Variants in GRK4 observed in about 807,000 individuals in gnomAD.
GRK4 encodes G protein-coupled receptor kinase 2-like.
In GRK4, 73 loss-of-function variants were observed where a neutral mutation model predicts 77.9. The ratio of observed to expected loss-of-function variants is 0.94; its 90% CI spans 0.78 to 1.14. GRK4 has a LOEUF of 1.14. Among genes scored for constraint, GRK4 ranks in the 50% most tolerant of loss-of-function variants. GRK4 has a pLI of 0.00. For missense variants in GRK4, 729 were observed against 700.2 expected (o/e 1.04, Z -0.46); for synonymous variants, 257 against 254.4 (o/e 1.01, Z -0.10).
chr4:3,038,134 C>T (rs905944782), intron 14 of GRK4, among the ~76,000 whole-genome samples: 17 of 152,150 alleles, frequency 1.1e-4, no homozygotes, highest in African/African-American at 4.1e-4. Context: ...AGCCAGGGTT[C>T]CCATGGTAGT....
At chr4:3,016,374 G>A (rs919614180) in intron 8 of GRK4, among the ~76,000 whole-genome samples, 24 of 151,560 alleles carry the variant, frequency 1.6e-4, no homozygotes, top group Admixed American at 1.3e-3. Context: ...AAATTAGCTG[G>A]GTGTGTGGTG....
At chr4:2,978,438 AC>A (rs2109489078) in intron 1 of GRK4, among the ~76,000 whole-genome samples, 1 of 152,354 alleles carries the variant, frequency 6.6e-6, no homozygotes, top group African/African-American at 2.4e-5. Flanking sequence ...TTTGGGATGC[AC>A]AGCCATGGCG....
chr4:3,037,334 T>G (rs199774701), intron 13 of GRK4, 40 bp from the exon 14 acceptor site: 1 of 1,547,028 alleles, frequency 6.5e-7, no homozygotes, highest in African/African-American at 1.4e-5. Context: ...TGAGAATTGC[T>G]GTAGTCATCT....
chr4:2,983,554 C>T (rs188503273), intron 1 of GRK4, among the ~76,000 whole-genome samples: 1 of 152,368 alleles, frequency 6.6e-6, no homozygotes, highest in African/African-American at 2.4e-5. Flanking sequence ...CACTCACATC[C>T]TTCAGGCCTC....
chr4:3,022,061 G>GA (rs1385339252), intron 9 of GRK4, among the ~76,000 whole-genome samples: 1 of 152,186 alleles, frequency 6.6e-6, no homozygotes, highest in Non-Finnish European at 1.5e-5. Context: ...CTAATATGGG[G>GA]AATTTTCAGT....
At chr4:2,979,319 A>AC (rs1337325462) in intron 1 of GRK4, among the ~76,000 whole-genome samples, 3 of 145,408 alleles carry the variant, frequency 2.1e-5, no homozygotes, top group Non-Finnish European at 4.5e-5. Context: ...TGGGAGAATC[A>AC]CCTGAACCCA....
chr4:3,002,924 T>TA (rs1045390488), intron 4 of GRK4, among the ~76,000 whole-genome samples: 29 of 152,034 alleles, frequency 1.9e-4, no homozygotes, highest in African/African-American at 4.8e-4. Flanking sequence ...TTAATTGTGA[T>TA]AAAAAAACAC....
intron 11 of GRK4, among the ~76,000 whole-genome samples, chr4:3,028,828 G>C (rs139330201): frequency 6.6e-6 from 1 of 151,022 alleles, no homozygotes; most frequent in South Asian, 2.1e-4. Flanking sequence ...CTAGAATGCA[G>C]TGGCACAATC....
chr4:3,009,534 C>G, intron 6 of GRK4, 114 bp from the exon 7 acceptor site: 2 of 705,590 alleles, frequency 2.8e-6, no homozygotes, highest in Non-Finnish European at 2.5e-6. Context: ...CCCGGGCATC[C>G]CCTTTGAGCA....
intron 1 of GRK4, among the ~76,000 whole-genome samples, chr4:2,984,209 T>C (rs777370018): frequency 2.6e-5 from 4 of 152,198 alleles, no homozygotes; most frequent in Non-Finnish European, 4.4e-5. Context: ...AAATATTTCT[T>C]TGATAAATAC....
chr4:3,015,548 G>C (rs1005153224), intron 8 of GRK4, among the ~76,000 whole-genome samples: 2 of 151,952 alleles, frequency 1.3e-5, no homozygotes, highest in African/African-American at 4.8e-5. Context: ...GGTGGCAGGC[G>C]CCTGTAGTCC....
chr4:3,038,552 GAAA>G, intron 15 of GRK4, 39 bp downstream of exon 15: 6 of 1,344,716 alleles, frequency 4.5e-6, no homozygotes, highest in South Asian at 1.4e-5. Context: ...GTGTGTATGT[GAAA>G]AAAAAAAAAA....
intron 14 of GRK4, among the ~76,000 whole-genome samples, 188 bp downstream of exon 14, chr4:3,037,699 G>C (rs1468271890): frequency 3.3e-5 from 5 of 152,086 alleles, no homozygotes; most frequent in African/African-American, 1.2e-4. Flanking sequence ...GGCAGATCAT[G>C]AGGTCAGGAG....
At chr4:3,001,666 C>T (rs999704351) in intron 4 of GRK4, among the ~76,000 whole-genome samples, 1 of 152,074 alleles carries the variant, frequency 6.6e-6, no homozygotes, top group Non-Finnish European at 1.5e-5. Context: ...CACGCCCGCC[C>T]GAGACCATAG....
At chr4:3,014,296 C>CTCT (rs757312217) in intron 8 of GRK4, among the ~76,000 whole-genome samples, 2 of 118,974 alleles carry the variant, frequency 1.7e-5, no homozygotes, top group East Asian at 2.4e-4. Context: ...CTCTCTCTCT[C>CTCT]TTTTTTTTTT....
intron 7 of GRK4, among the ~76,000 whole-genome samples, chr4:3,011,740 C>T (rs1732978642): frequency 6.6e-6 from 1 of 152,256 alleles, no homozygotes; most frequent in African/African-American, 2.4e-5. Flanking sequence ...AGTGCTAGCA[C>T]TTCCTCCAGT....
chr4:3,015,758 G>A (rs1431938575), intron 8 of GRK4, among the ~76,000 whole-genome samples: 4 of 151,704 alleles, frequency 2.6e-5, no homozygotes, highest in Non-Finnish European at 5.9e-5. Flanking sequence ...TAATAAAATG[G>A]GCTTATCTGG....
intron 6 of GRK4, among the ~76,000 whole-genome samples, chr4:3,008,907 C>T (rs191531037): frequency 2.2e-4 from 33 of 151,462 alleles, no homozygotes; most frequent in Admixed American, 1.1e-3. Flanking sequence ...GTTTTTGAGG[C>T]GCTGGGTATA....
At chr4:3,000,185 G>A (rs898479756) in intron 4 of GRK4, among the ~76,000 whole-genome samples, 1 of 152,130 alleles carries the variant, frequency 6.6e-6, no homozygotes, top group Non-Finnish European at 1.5e-5. Flanking sequence ...TTCTGCATCA[G>A]GCTGGTAGTT....
Sources: gnomAD v4.1 joint callset for allele counts (sites outside exome capture counted in the v4.1 genomes callset) on GRCh38, gnomAD v4.1.1 for gene constraint, MANE v1.5 for transcripts, NCBI Gene and HGNC (gene_info 2026-07-23, HGNC 2026-07-21) for gene names.